RUNX1: variants seen among roughly 807,000 people sequenced by gnomAD.
RUNX1 encodes RUNX family transcription factor 1, also known as runt-related transcription factor 1.
In RUNX1, 19 loss-of-function variants were observed where a neutral mutation model predicts 42.8. The ratio of observed to expected loss-of-function variants is 0.44; its 90% confidence interval spans 0.31 to 0.65. The LOEUF is 0.65. Ranked by LOEUF, RUNX1 falls within the 30% of genes least tolerant of loss-of-function variation. RUNX1 has a pLI of 0.07. For synonymous variants in RUNX1, 271 were observed against 289.4 expected (o/e 0.94, Z 0.64); for missense variants, 528 against 672.0 (o/e 0.79, Z 2.37).
At chr21:35,045,712 T>C (rs1172398281) in intron 2 of RUNX1, among the ~76,000 whole-genome samples, 1 of 152,286 alleles carries the variant, frequency 6.6e-6, no homozygotes, top group Non-Finnish European at 1.5e-5. Context: ...ATCTTAAGTG[T>C]TCAGTCAAGC....
chr21:34,826,027 AAG>A (rs1252813996), intron 7 of RUNX1, among the ~76,000 whole-genome samples: 1 of 152,186 alleles, frequency 6.6e-6, no homozygotes, highest in Non-Finnish European at 1.5e-5. Flanking sequence ...CTCCAGAACT[AAG>A]AGAGAATACA....
intron 5 of RUNX1, among the ~76,000 whole-genome samples, chr21:34,877,262 T>C (rs528065108): frequency 9.2e-5 from 14 of 152,232 alleles, no homozygotes; most frequent in Non-Finnish European, 1.6e-4. Flanking sequence ...CAACTGCAGA[T>C]GTAAACTGAT....
At chr21:34,896,982 T>G (rs1004346154) in intron 2 of RUNX1, among the ~76,000 whole-genome samples, 4 of 152,106 alleles carry the variant, frequency 2.6e-5, no homozygotes, top group Admixed American at 1.3e-4. Context: ...TGAGAGGTGT[T>G]TGTGTATATA....
At chr21:34,827,472 A>G (rs1032806573) in intron 7 of RUNX1, among the ~76,000 whole-genome samples, 2 of 152,228 alleles carry the variant, frequency 1.3e-5, no homozygotes, top group Non-Finnish European at 2.9e-5. Context: ...CATTTGCCAA[A>G]GAGATTAGTA....
At chr21:34,957,502 G>C (rs2058652873) in intron 2 of RUNX1, among the ~76,000 whole-genome samples, 1 of 152,086 alleles carries the variant, frequency 6.6e-6, no homozygotes. Context: ...CTGGGCAAGG[G>C]GTGCCTGTGT....
intron 2 of RUNX1, among the ~76,000 whole-genome samples, chr21:35,037,460 G>A (rs1006449538): frequency 1.3e-5 from 2 of 152,094 alleles, no homozygotes; most frequent in Non-Finnish European, 2.9e-5. Context: ...CCCCAGCTTG[G>A]TGCCACCCCA....
At chr21:34,802,209 A>G (rs1601353344) in intron 7 of RUNX1, among the ~76,000 whole-genome samples, 2 of 152,196 alleles carry the variant, frequency 1.3e-5, no homozygotes, top group South Asian at 4.1e-4. Flanking sequence ...GAGGAAGAGA[A>G]CCACTGTAAA....
chr21:35,012,295 C>A (rs1171777106), intron 2 of RUNX1, among the ~76,000 whole-genome samples: 1 of 152,066 alleles, frequency 6.6e-6, no homozygotes, highest in Non-Finnish European at 1.5e-5. Context: ...AGCCCAAATA[C>A]CCACATGACC....
chr21:34,965,533 AAG>A (rs1161369805), intron 2 of RUNX1, among the ~76,000 whole-genome samples: 2 of 152,094 alleles, frequency 1.3e-5, no homozygotes, highest in African/African-American at 4.8e-5. Context: ...AAAAGAAAAA[AAG>A]AGAAAAAAAG....
At chr21:34,959,882 A>G (rs947837354) in intron 2 of RUNX1, among the ~76,000 whole-genome samples, 2 of 152,092 alleles carry the variant, frequency 1.3e-5, no homozygotes, top group African/African-American at 4.8e-5. Context: ...AGAAGGAGCA[A>G]TTGTGCAGGG....
intron 2 of RUNX1, among the ~76,000 whole-genome samples, chr21:34,931,356 G>A (rs879669778): frequency 1.3e-3 from 181 of 143,066 alleles, no homozygotes; most frequent in Non-Finnish European, 1.8e-3. Flanking sequence ...ATATACATGT[G>A]TATATATATG....
rs199616846 is a variant in RUNX1, at chr21:34,965,537, GA to G, written c.59-72575del. Among the ~76,000 whole-genome samples, 1,180 of 152,128 alleles carry G rather than the reference GA, an allele frequency of 7.8e-3. 9 individuals are homozygous for G. The highest frequency in any genetic ancestry group is 0.027 in the African/African-American group (1,116 of 41,502). ...AAAAAACACGAAAAAGAAAAAAAGA[GA>G]AAAAAAGCTTTTCCCATTCATGGCA... On this transcript the variant is annotated intron_variant, in intron 2 of 8. Transcript: ENST00000675419.
At chr21:34,840,565 C>T (rs2057219051) in intron 6 of RUNX1, among the ~76,000 whole-genome samples, 1 of 152,080 alleles carries the variant, frequency 6.6e-6, no homozygotes, top group East Asian at 1.9e-4. Context: ...TGAACAACTT[C>T]TAATGAGGTT....
At chr21:35,035,894 T>C (rs1364694831) in intron 2 of RUNX1, among the ~76,000 whole-genome samples, 3 of 152,150 alleles carry the variant, frequency 2.0e-5, no homozygotes, top group African/African-American at 7.2e-5. Flanking sequence ...GATGTGGCTG[T>C]TTAAAACAAC....
chr21:35,019,309 C>T (rs557751698), intron 2 of RUNX1, among the ~76,000 whole-genome samples: 1 of 152,176 alleles, frequency 6.6e-6, no homozygotes, highest in African/African-American at 2.4e-5. Flanking sequence ...GCTCGAGACA[C>T]CTTCTAGCCT....
At chr21:34,893,575 C>T (rs1410915462) in intron 2 of RUNX1, among the ~76,000 whole-genome samples, 5 of 152,102 alleles carry the variant, frequency 3.3e-5, no homozygotes, top group Admixed American at 3.3e-4. Context: ...TAAGCAAAGT[C>T]ACATGAAGCT....
intron 5 of RUNX1, among the ~76,000 whole-genome samples, chr21:34,861,137 C>T (rs1362861992): frequency 1.3e-5 from 2 of 152,180 alleles, no homozygotes; most frequent in East Asian, 3.9e-4. Context: ...TCCCCAGAAC[C>T]TAGAGACGAG....
At chr21:34,880,838 G>T (rs1489625767) in intron 4 of RUNX1, 125 bp from the exon 5 acceptor site, 11 of 950,002 alleles carry the variant, frequency 1.2e-5, no homozygotes, top group Non-Finnish European at 1.6e-5. Flanking sequence ...GGTTGCAGAG[G>T]AATAGCAATG....
At chr21:35,045,119 T>A (rs1052829430) in intron 2 of RUNX1, among the ~76,000 whole-genome samples, 5 of 152,244 alleles carry the variant, frequency 3.3e-5, no homozygotes, top group African/African-American at 9.6e-5. Flanking sequence ...AAATTACTCG[T>A]CATTTTCTAC....
Sources: gnomAD v4.1 joint callset for allele counts (sites outside exome capture counted in the v4.1 genomes callset) on GRCh38, gnomAD v4.1.1 for gene constraint, MANE v1.5 for transcripts, NCBI Gene and HGNC (gene_info 2026-07-23, HGNC 2026-07-21) for gene names.